The following PDCD6IP variants were observed in gnomAD, a reference collection of about 807,000 sequenced individuals.
The protein encoded by PDCD6IP is programmed cell death 6-interacting protein.
Under a neutral mutation model 103.7 loss-of-function variants are expected in PDCD6IP, and 43 were observed. The ratio of observed to expected loss-of-function variants is 0.41; its 90% CI spans 0.32 to 0.53. The LOEUF (loss-of-function observed/expected upper bound fraction) is 0.53. Among genes scored for constraint, PDCD6IP ranks in the 20% least tolerant of loss-of-function variants. The pLI is 0.16. For synonymous variants in PDCD6IP, 354 were observed against 378.7 expected, an observed-to-expected ratio of 0.93 and a Z score of 0.76; for missense variants, 871 against 1,036.7, an observed-to-expected ratio of 0.84 and a Z score of 2.20.
intron 15 of PDCD6IP, among the ~76,000 whole-genome samples, chr3:33,860,398 A>G (rs982773992): frequency 1.4e-4 from 22 of 152,332 alleles, no homozygotes; most frequent in African/African-American, 5.3e-4. Context: ...CTTACTGGAT[A>G]TAATGTATAC....
At chr3:33,804,706 C>T (rs1046831302) in intron 1 of PDCD6IP, among the ~76,000 whole-genome samples, 2 of 152,182 alleles carry the variant, frequency 1.3e-5, no homozygotes, top group African/African-American at 4.8e-5. Context: ...GATTTAAGCC[C>T]ACAAAGCTAT....
chr3:33,800,145 A>T (rs1696441044), intron 1 of PDCD6IP, among the ~76,000 whole-genome samples: 1 of 148,206 alleles, frequency 6.7e-6, no homozygotes. Flanking sequence ...AAAAAAAAAA[A>T]GTAAGACTTA....
At chr3:33,852,034 T>C (rs1311711469) in intron 12 of PDCD6IP, among the ~76,000 whole-genome samples, 1 of 152,194 alleles carries the variant, frequency 6.6e-6, no homozygotes, top group Non-Finnish European at 1.5e-5. Flanking sequence ...GAGTAGAATG[T>C]AGAGTGGCTA....
At chr3:33,847,482 A>C (rs1486703129) in intron 12 of PDCD6IP, among the ~76,000 whole-genome samples, 1 of 151,572 alleles carries the variant, frequency 6.6e-6, no homozygotes, top group Non-Finnish European at 1.5e-5. Context: ...TAAGGCAAGC[A>C]TCAGGTTTAT....
At chr3:33,826,626 T>C in intron 6 of PDCD6IP, 46 bp downstream of exon 6, 1 of 1,605,224 alleles carries the variant, frequency 6.2e-7, no homozygotes. Flanking sequence ...GCATGTGAAA[T>C]ATTTAGACTT....
Position 33,838,284 on chromosome 3 carries a change from A to G in PDCD6IP, c.1138A>G (p.Arg380Gly). The G allele has an allele frequency of 6.2e-7, 1 of 1,613,290 alleles. No individual in the cohort carries two copies. The highest frequency in any genetic ancestry group is 8.5e-7 in the Non-Finnish European group (1 of 1,179,206). ...TCAGAGGAAAGCCGATTTGGTTAACAGATCAATTGCTCAGATGAGAGAAGC... is the reference window on the plus strand; with the variant it reads ...TCAGAGGAAAGCCGATTTGGTTAACGGATCAATTGCTCAGATGAGAGAAGC... ...YNQRKADLVN[R>G]SIAQMREATT... The change falls in exon 9 of 18, where the codon AGA becomes GGA. Residue 380 changes from arginine to glycine, a missense_variant. By Grantham distance (125) the Arg-to-Gly change is moderately radical. Around this residue, in one of 5 missense-constraint regions of PDCD6IP, gnomAD observed 266 missense variants for 390.5 expected, o/e 0.68. Coordinates refer to ENST00000307296, the MANE Select transcript of PDCD6IP (RefSeq NM_013374.6).
intron 1 of PDCD6IP, among the ~76,000 whole-genome samples, chr3:33,805,079 G>T (rs566452369): frequency 6.6e-6 from 1 of 152,068 alleles, no homozygotes; most frequent in South Asian, 2.1e-4. Flanking sequence ...TTTTCCGGCC[G>T]GGTGTGGTGG....
At chr3:33,846,589 A>G (rs1359229671) in intron 12 of PDCD6IP, among the ~76,000 whole-genome samples, 2 of 152,200 alleles carry the variant, frequency 1.3e-5, no homozygotes, top group African/African-American at 2.4e-5. Context: ...TTCTCTTCAG[A>G]GGCTTCTTAA....
intron 3 of PDCD6IP, among the ~76,000 whole-genome samples, chr3:33,814,635 G>A (rs141362822): frequency 3.0e-5 from 4 of 134,040 alleles, no homozygotes; most frequent in African/African-American, 1.2e-4. Context: ...TGTATTATAT[G>A]TGCATATATA....
At position 33,821,944 on chromosome 3, in the gene PDCD6IP, A is replaced by AT. The variant is rs761669871; in HGVS notation, c.335-5dup. The AT allele has an allele frequency of 7.5e-6, 12 of 1,599,578 alleles. No homozygotes were observed. The highest frequency in any genetic ancestry group is 2.2e-5 in the East Asian group (1 of 44,716). On this transcript the variant is annotated splice_polypyrimidine_tract_variant and intron_variant, in intron 3 of 17. Transcript: ENST00000307296. ...TAATCTGATGAATTTTTCCTTCTCA[A>AT]TTTTTTACAGCTCTTGCAAGCTTAG...
intron 9 of PDCD6IP, among the ~76,000 whole-genome samples, chr3:33,841,434 T>C (rs888059568): frequency 2.9e-5 from 2 of 68,920 alleles, no homozygotes; most frequent in Non-Finnish European, 5.2e-5. Context: ...TTTGCTTTGC[T>C]TTTTTTTTTT....
Position 33,845,559 on chromosome 3 carries a change from A to G in PDCD6IP, c.1612A>G (p.Asn538Asp). ...PELNAAIPSA[N>D]PAKTMQGSEV... Reference sequence around the variant, plus strand: ...GCTGAATGCTGCCATCCCTTCTGCTAATCCAGCAAAGACCATGCAGGGCAG... The same window carrying G: ...GCTGAATGCTGCCATCCCTTCTGCTGATCCAGCAAAGACCATGCAGGGCAG... Residue 538 changes from asparagine (N) to aspartate (D), a missense_variant, in exon 12 of 18, where the codon AAT becomes GAT. Transcript: ENST00000307296. 2 of 1,611,896 alleles carry G rather than the reference A, an allele frequency of 1.2e-6. No homozygotes were observed. The highest frequency in any genetic ancestry group is 8.5e-7 in the Non-Finnish European group (1 of 1,178,660).
intron 12 of PDCD6IP, among the ~76,000 whole-genome samples, chr3:33,846,481 A>G (rs1697594322): frequency 6.6e-6 from 1 of 152,234 alleles, no homozygotes; most frequent in African/African-American, 2.4e-5. Flanking sequence ...GGATGACTGT[A>G]ATATAGGGAA....
At chr3:33,862,352 G>T (rs113038755) in intron 15 of PDCD6IP, among the ~76,000 whole-genome samples, 3 of 151,500 alleles carry the variant, frequency 2.0e-5, no homozygotes, top group Non-Finnish European at 4.4e-5. Flanking sequence ...GCTGTTAATT[G>T]TTAAATCAGG....
chr3:33,806,575 A>T (rs1164651785), intron 1 of PDCD6IP, among the ~76,000 whole-genome samples: 2 of 152,222 alleles, frequency 1.3e-5, no homozygotes, highest in African/African-American at 4.8e-5. Context: ...AGTTTTTGCC[A>T]ACTCCTGGCT....
intron 3 of PDCD6IP, among the ~76,000 whole-genome samples, chr3:33,817,748 G>C (rs573145583): frequency 6.6e-6 from 1 of 151,094 alleles, no homozygotes; most frequent in African/African-American, 2.4e-5. Context: ...GTGACACCTT[G>C]TCTCAAAAGA....
intron 1 of PDCD6IP, among the ~76,000 whole-genome samples, chr3:33,804,656 G>A (rs530675350): frequency 9.9e-5 from 15 of 152,200 alleles, no homozygotes; most frequent in African/African-American, 1.4e-4. Flanking sequence ...ATCATTCTGT[G>A]TATCTGTAAG....
chr3:33,850,491 C>T (rs1034547728), intron 12 of PDCD6IP, among the ~76,000 whole-genome samples: 1 of 151,890 alleles, frequency 6.6e-6, no homozygotes, highest in Non-Finnish European at 1.5e-5. Flanking sequence ...CTGGTTTGTC[C>T]TTACTGATTT....
rs143336700 is a variant in PDCD6IP, at chr3:33,850,767, G to A, written c.1642-1721G>A. Among the ~76,000 whole-genome samples, 272 of 152,026 alleles carry A rather than the reference G, an allele frequency of 1.8e-3. 11 individuals are homozygous for A. The East Asian group carries it at 0.051, about 29-fold the overall frequency. ...AACAGACTTTGTCATATCCACCCAC[G>A]TATGATTCTTTCTCCTCCTCCTTCC... is the stretch of plus-strand genomic sequence containing the variant. On this transcript the variant is annotated intron_variant, in intron 12 of 17. Transcript: ENST00000307296.
Sources: gnomAD v4.1 joint callset for allele counts (sites outside exome capture counted in the v4.1 genomes callset) on GRCh38, gnomAD v4.1.1 for gene constraint, gnomAD v4.1.1 regional missense constraint, MANE v1.5 for transcripts, NCBI Gene and HGNC (gene_info 2026-07-23, HGNC 2026-07-21) for gene names.